AOX1: variants seen among roughly 807,000 people sequenced by gnomAD.
The protein encoded by AOX1 is aldehyde oxidase.
In AOX1, 153 loss-of-function variants were observed where a neutral mutation model predicts 169.5. That is an observed-to-expected ratio of 0.90 (90% confidence interval 0.79 to 1.03). The LOEUF is 1.03. AOX1 is among the 50% of genes least tolerant of loss of function. The probability of loss-of-function intolerance (pLI) is 0.00; values close to 1 mark genes in which losing one functional copy is unlikely to be tolerated. For missense variants in AOX1, 1,656 were observed against 1,663.9 expected (o/e 1.00, Z 0.08); for synonymous variants, 562 against 581.9 (o/e 0.97, Z 0.49).
rs148372165 is a variant in AOX1 at position 200,604,700 on chromosome 2, T to G, written c.674T>G (p.Met225Arg). 3.5e-5 allele frequency: 57 copies of G among 1,613,966 alleles called. No homozygotes were observed. Among genetic ancestry groups the G allele is most frequent in the Non-Finnish European group, 4.5e-5 (53 of 1,179,988 alleles). ...ELIFPPELMI[M>R]AEKQSQRTRV... The stretch of plus-strand genomic sequence containing the variant: ...TCCCTATTGCTTTTTCAATAGATAA[T>G]GGCTGAGAAACAGTCGCAAAGGACC... The change falls in exon 9 of 35, where the codon ATG becomes AGG. Residue 225 changes from methionine (M) to arginine (R), a missense_variant. By Grantham distance (91) the Met-to-Arg change is moderately conservative. Coordinates refer to ENST00000374700, the MANE Select transcript of AOX1 (RefSeq NM_001159.4).
At chr2:200,623,770 T>A in intron 18 of AOX1, 91 bp from the exon 19 acceptor site, 2 of 1,583,438 alleles carry the variant, frequency 1.3e-6, no homozygotes, top group Admixed American at 1.7e-5. Flanking sequence ...AGCCCTACTG[T>A]AATCGAGTAC....
downstream of AOX1, among the ~76,000 whole-genome samples, chr2:200,675,903 T>C (rs994612394): frequency 1.3e-5 from 2 of 150,132 alleles, no homozygotes; most frequent in African/African-American, 4.9e-5. Context: ...CCATTGAAAG[T>C]AATGGCAAAT....
At chr2:200,607,156 A>G (rs991106882) in intron 10 of AOX1, among the ~76,000 whole-genome samples, 1 of 152,224 alleles carries the variant, frequency 6.6e-6, no homozygotes, top group African/African-American at 2.4e-5. Context: ...GATATGATCC[A>G]TCAATACCTA....
intron 1 of AOX1, among the ~76,000 whole-genome samples, chr2:200,589,585 G>A (rs904786567): frequency 4.0e-5 from 6 of 151,898 alleles, no homozygotes; most frequent in Non-Finnish European, 7.4e-5. Context: ...TTGAAATTGG[G>A]GCTGATTAAG....
At chr2:200,654,002 A>C (rs763675732) in intron 26 of AOX1, among the ~76,000 whole-genome samples, 2 of 151,782 alleles carry the variant, frequency 1.3e-5, no homozygotes, top group African/African-American at 4.8e-5. Context: ...TTCTTCCCCC[A>C]TTTCTCTCCC....
intron 15 of AOX1, 55 bp downstream of exon 15, chr2:200,614,021 A>G: frequency 6.5e-7 from 1 of 1,527,676 alleles, no homozygotes; most frequent in Non-Finnish European, 8.9e-7. Context: ...TGATGACACC[A>G]AAAGTAGAGG....
In AOX1 at chr2:200,602,296, G is replaced by A. The variant is rs540242322; in HGVS notation, c.449G>A (p.Arg150His). 3.0e-5 allele frequency: 48 copies of A among 1,613,638 alleles called. No individual in the cohort carries two copies. The highest frequency in any genetic ancestry group is 2.3e-4 in the Admixed American group (14 of 59,970). The change falls in exon 6 of 35, where the codon CGT (arginine) becomes CAT (histidine). Residue 150 changes from arginine to histidine, a missense_variant. Coordinates refer to ENST00000374700, the MANE Select transcript of AOX1 (RefSeq NM_001159.4). Reference protein sequence around the residue: ...LTDALGGNLCRCTGYRPIIDA... With the variant: ...LTDALGGNLCHCTGYRPIIDA... ...TTTTCTCCTTCAGGTAACCTGTGCC[G>A]TTGCACTGGATACAGGCCCATAATT...
At chr2:200,669,159 A>G (rs907164565) in intron 33 of AOX1, among the ~76,000 whole-genome samples, 9 of 152,144 alleles carry the variant, frequency 5.9e-5, no homozygotes, top group African/African-American at 2.2e-4. Flanking sequence ...AAAAATTTAT[A>G]TAGGCCGGGC....
At chr2:200,641,471 T>C (rs1367734476) in intron 24 of AOX1, among the ~76,000 whole-genome samples, 2 of 152,032 alleles carry the variant, frequency 1.3e-5, no homozygotes, top group African/African-American at 4.8e-5. Context: ...CATTTTGGAG[T>C]GTGTAGCTCT....
intron 21 of AOX1, 122 bp downstream of exon 21, chr2:200,635,037 A>C (rs1258136820): frequency 5.1e-6 from 6 of 1,179,948 alleles, no homozygotes; most frequent in Non-Finnish European, 7.2e-6. Context: ...GCTTGAACCC[A>C]GGAGCTCAAG....
chr2:200,641,249 G>A lies in AOX1; in HGVS notation c.2655+65G>A, dbSNP rs115495191. 1,742 of 1,115,160 alleles carry A rather than the reference G, an allele frequency of 1.6e-3. 19 individuals carry two copies. In the African/African-American group the frequency reaches 0.023, roughly 15 times the overall value. 69.1% of individuals were successfully genotyped at this position (1,115,160 alleles called of 1,614,324 possible). ...GTGTTACATAAAATAATTTAACTTA[G>A]AAAATGCCCAATAGTTAAGTAATAT... On this transcript the variant is annotated intron_variant, in intron 24 of 34. Transcript: ENST00000374700.
At chr2:200,614,019 C>T (rs1012417848) in intron 15 of AOX1, 53 bp downstream of exon 15, 8 of 1,536,662 alleles carry the variant, frequency 5.2e-6, no homozygotes, top group Non-Finnish European at 7.1e-6. Context: ...TATGATGACA[C>T]CAAAAGTAGA....
chr2:200,681,216 A>G (rs1019448516), downstream of AOX1: 2 of 152,354 alleles, frequency 1.3e-5, no homozygotes, highest in Non-Finnish European at 2.9e-5. Flanking sequence ...TTGGCATCCG[A>G]AATGTGAACA....
In AOX1 at chr2:200,620,813, A is replaced by G. The variant is rs759785963; in HGVS notation, c.1868A>G (p.Lys623Arg). The change falls in exon 17 of 35, where the codon AAG becomes AGG. Residue 623 changes from lysine (K) to arginine (R), a missense_variant. Physicochemically the swap from Lys to Arg is conservative, Grantham distance 26. Transcript: ENST00000374700. ...GTGACTAGTTCAAGAGCTCATGCTAAGATTGTGTAAGTGGTAAAATTCTTA... is the reference window on the plus strand; with the variant it reads ...GTGACTAGTTCAAGAGCTCATGCTAGGATTGTGTAAGTGGTAAAATTCTTA... ...TFVTSSRAHA[K>R]IVSIDLSEAL... The G allele has an allele frequency of 7.5e-6, 12 of 1,593,624 alleles. No individual in the cohort carries two copies. The East Asian group carries it at 2.7e-4, about 36-fold the overall frequency.
At chr2:200,590,649 G>A (rs1477413923) in intron 1 of AOX1, among the ~76,000 whole-genome samples, 1 of 152,048 alleles carries the variant, frequency 6.6e-6, no homozygotes, top group Non-Finnish European at 1.5e-5. Flanking sequence ...ACATTTCCTG[G>A]AACACATACC....
chr2:200,663,577 C>CTCTG (rs1553579801), intron 31 of AOX1, among the ~76,000 whole-genome samples: 1 of 133,632 alleles, frequency 7.5e-6, no homozygotes, highest in Admixed American at 8.2e-5. Flanking sequence ...CACACACTCT[C>CTCTG]TCTCTCTCTC....
Position 200,661,596 on chromosome 2 carries a change from T to C in AOX1, c.3393T>C (p.Asp1131=). ...TWKDWAQTAF[D]ESINLSAVGY... ...CTTCACAGGCACAGACTGCTTTTGA[T>C]GAAAGCATTAACCTTTCAGCTGTTG... Residue 1131 remains aspartate (D), a synonymous_variant, in exon 30 of 35, where the codon GAT becomes GAC. Transcript: ENST00000374700. 6.2e-7 allele frequency: 1 copy of C among 1,613,434 alleles called. No homozygotes were observed. The highest frequency in any genetic ancestry group is 2.2e-5 in the East Asian group (1 of 44,860).
intron 25 of AOX1, among the ~76,000 whole-genome samples, chr2:200,647,437 G>A (rs1197023100): frequency 1.3e-5 from 2 of 152,206 alleles, no homozygotes; most frequent in Non-Finnish European, 2.9e-5. Flanking sequence ...AGCTTGTAGG[G>A]TTTCTGCTGA....
At chr2:200,624,489 G>C (rs999767159) in intron 19 of AOX1, among the ~76,000 whole-genome samples, 20 of 152,234 alleles carry the variant, frequency 1.3e-4, no homozygotes, top group African/African-American at 4.1e-4. Flanking sequence ...AAAGGGAAAG[G>C]GGAGGGGATG....
Sources: gnomAD v4.1 joint callset for allele counts (sites outside exome capture counted in the v4.1 genomes callset) on GRCh38, gnomAD v4.1.1 for gene constraint, MANE v1.5 for transcripts, NCBI Gene and HGNC (gene_info 2026-07-23, HGNC 2026-07-21) for gene names.